Variants in TBC1D22A observed in about 807,000 individuals in gnomAD.
The protein encoded by TBC1D22A is TBC1 domain family member 22A, also known as putative GTPase activator.
In TBC1D22A, 38 loss-of-function variants were observed where a neutral mutation model predicts 60.2. That is an observed-to-expected ratio of 0.63 (90% CI 0.49 to 0.83). The LOEUF (loss-of-function observed/expected upper bound fraction) is 0.83. Among genes scored for constraint, TBC1D22A ranks in the 40% least tolerant of loss-of-function variants. The pLI, the probability that TBC1D22A is intolerant of heterozygous loss-of-function variation, is 0.00. For missense variants in TBC1D22A, 628 were observed against 701.0 expected, an observed-to-expected ratio of 0.90 and a Z score of 1.18; for synonymous variants, 302 against 281.7, an observed-to-expected ratio of 1.07 and a Z score of -0.72.
At chr22:46,809,950 A>G (rs2147024404) in intron 4 of TBC1D22A, among the ~76,000 whole-genome samples, 1 of 152,282 alleles carries the variant, frequency 6.6e-6, no homozygotes, top group Middle Eastern at 3.4e-3. Flanking sequence ...CATCATTTTT[A>G]ATGGCTGTAT....
chr22:47,064,153 G>C (rs7292811), intron 11 of TBC1D22A, among the ~76,000 whole-genome samples: 2 of 152,056 alleles, frequency 1.3e-5, no homozygotes, highest in Non-Finnish European at 2.9e-5. Flanking sequence ...ACAGGCCCTC[G>C]TGGAGCAGGG....
intron 12 of TBC1D22A, among the ~76,000 whole-genome samples, chr22:47,142,974 G>A (rs2067163591): frequency 6.7e-6 from 1 of 149,426 alleles, no homozygotes; most frequent in Admixed American, 6.7e-5. Flanking sequence ...TTTGCCCTCA[G>A]AGGAGGCAGA....
intron 10 of TBC1D22A, among the ~76,000 whole-genome samples, chr22:47,004,345 CACATACACATAT>C (rs1195184797): frequency 6.7e-6 from 1 of 149,822 alleles, no homozygotes; most frequent in Non-Finnish European, 1.5e-5. Flanking sequence ...ATGCGTCTGC[CACATACACATAT>C]ACATACACTC....
intron 11 of TBC1D22A, among the ~76,000 whole-genome samples, chr22:47,103,910 T>G (rs1459386665): frequency 6.6e-6 from 1 of 152,146 alleles, no homozygotes; most frequent in Admixed American, 6.5e-5. Flanking sequence ...GGGATAACAT[T>G]ATATGACAAA....
At chr22:46,912,626 G>A (rs1039185681) in intron 8 of TBC1D22A, among the ~76,000 whole-genome samples, 7 of 152,072 alleles carry the variant, frequency 4.6e-5, no homozygotes, top group African/African-American at 9.7e-5. Flanking sequence ...GCACGATATC[G>A]GCTAACTGCA....
chr22:46,979,590 G>T (rs779990159), intron 9 of TBC1D22A, among the ~76,000 whole-genome samples: 3 of 152,212 alleles, frequency 2.0e-5, no homozygotes, highest in Admixed American at 6.5e-5. Flanking sequence ...CCTGAGCGCA[G>T]TGTTAATAGT....
At chr22:47,156,856 G>C (rs1054788390) in intron 12 of TBC1D22A, among the ~76,000 whole-genome samples, 52 of 152,250 alleles carry the variant, frequency 3.4e-4, no homozygotes, top group Admixed American at 8.5e-4. Context: ...GCTCAGCAGG[G>C]TCTGCATGCT....
chr22:46,904,118 T>C (rs1241939349), intron 7 of TBC1D22A, among the ~76,000 whole-genome samples: 1 of 81,138 alleles, frequency 1.2e-5, no homozygotes, highest in Admixed American at 1.4e-4. Flanking sequence ...TATCTATCTA[T>C]CTATCTATCT....
intron 11 of TBC1D22A, among the ~76,000 whole-genome samples, chr22:47,069,088 C>G (rs183675774): frequency 1.8e-4 from 28 of 152,168 alleles, no homozygotes; most frequent in Non-Finnish European, 4.4e-5. Flanking sequence ...CATAAATTTT[C>G]TTAATAACAT....
At chr22:47,106,429 G>T (rs2065634430) in intron 11 of TBC1D22A, among the ~76,000 whole-genome samples, 1 of 152,152 alleles carries the variant, frequency 6.6e-6, no homozygotes, top group Non-Finnish European at 1.5e-5. Context: ...TGCTTATGAA[G>T]GAATGACAAA....
chr22:46,796,445 C>T (rs762279114), intron 3 of TBC1D22A, among the ~76,000 whole-genome samples: 2 of 152,270 alleles, frequency 1.3e-5, no homozygotes, highest in African/African-American at 2.4e-5. Flanking sequence ...TCAGCTGCAG[C>T]GTTTGCTTCG....
chr22:47,076,175 T>C lies in TBC1D22A; in HGVS notation c.1330-35333T>C, dbSNP rs1373559016. On this transcript the variant is annotated intron_variant, in intron 11 of 12. Coordinates refer to ENST00000337137, the MANE Select transcript of TBC1D22A (RefSeq NM_014346.5). The stretch of plus-strand genomic sequence containing the variant: ...GAGAAGGCATAGAAGATTACAACAG[T>C]ACAAAAACAAGCTTAATTGAACGGT... Among the ~76,000 whole-genome samples, 8 of 151,856 alleles carry C rather than the reference T, an allele frequency of 5.3e-5. 1 individual carries two copies. The South Asian group carries it at 1.5e-3, about 28-fold the overall frequency.
In TBC1D22A at chr22:46,776,091, C is replaced by T. The variant is rs2083692299; in HGVS notation, c.62+13243C>T. Among the ~76,000 whole-genome samples, 3 of 152,166 alleles carry T rather than the reference C, an allele frequency of 2.0e-5. No individual in the cohort carries two copies. The South Asian group carries it at 6.2e-4, about 32-fold the overall frequency. ...TGGTGCCAAGCGGGCCACGGAGGGG[C>T]CAGGAAGCCCTGTGGCAGTATAGGC... On this transcript the variant is annotated intron_variant, in intron 1 of 12. Transcript: ENST00000337137.
At chr22:46,855,738 G>C (rs977058273) in intron 4 of TBC1D22A, among the ~76,000 whole-genome samples, 1 of 152,168 alleles carries the variant, frequency 6.6e-6, no homozygotes, top group Non-Finnish European at 1.5e-5. Flanking sequence ...GAGCCAGCCG[G>C]GGGGGTTGAT....
chr22:47,001,236 A>C (rs1430733139), intron 10 of TBC1D22A, among the ~76,000 whole-genome samples: 1 of 151,874 alleles, frequency 6.6e-6, no homozygotes, highest in Non-Finnish European at 1.5e-5. Context: ...AATGCTAGTG[A>C]GAAGCAAAAC....
At chr22:47,025,669 A>G (rs1387342869) in intron 10 of TBC1D22A, among the ~76,000 whole-genome samples, 1 of 152,232 alleles carries the variant, frequency 6.6e-6, no homozygotes, top group African/African-American at 2.4e-5. Context: ...AGGTCAACGT[A>G]TAGTACTGAG....
chr22:46,797,640 G>A lies in TBC1D22A; in HGVS notation c.637+20G>A, dbSNP rs762587601. On this transcript the variant is annotated intron_variant, in intron 4 of 12. Coordinates refer to ENST00000337137, the MANE Select transcript of TBC1D22A (RefSeq NM_014346.5). ...ACCTTGGTAAGCACCCTGCCCTCTG[G>A]AGGACACACACAGACATTTCTTGCT... The A allele has an allele frequency of 6.3e-7, 1 of 1,581,128 alleles. No homozygotes were observed. The highest frequency in any genetic ancestry group is 1.4e-5 in the African/African-American group (1 of 73,360).
chr22:46,975,842 A>G (rs2148137512), intron 9 of TBC1D22A, among the ~76,000 whole-genome samples: 1 of 152,346 alleles, frequency 6.6e-6, no homozygotes, highest in African/African-American at 2.4e-5. Flanking sequence ...GTAGGAATGA[A>G]AAAGGAGAAA....
At chr22:46,856,943 A>G (rs2147319516) in intron 4 of TBC1D22A, among the ~76,000 whole-genome samples, 1 of 152,356 alleles carries the variant, frequency 6.6e-6, no homozygotes, top group South Asian at 2.1e-4. Flanking sequence ...TGAGGTTGGG[A>G]TGCGAGCTAG....
Sources: gnomAD v4.1 joint callset for allele counts (sites outside exome capture counted in the v4.1 genomes callset) on GRCh38, gnomAD v4.1.1 for gene constraint, MANE v1.5 for transcripts, NCBI Gene and HGNC (gene_info 2026-07-23, HGNC 2026-07-21) for gene names.